Variants in ARFGEF3 observed in about 807,000 individuals in gnomAD.
ARFGEF3 encodes ARFGEF family member 3.
Under a neutral mutation model 221.7 loss-of-function variants are expected in ARFGEF3, and 96 were observed. That is an observed-to-expected ratio of 0.43 (90% CI 0.37 to 0.51). ARFGEF3 has a LOEUF of 0.51. Among genes scored for constraint, ARFGEF3 ranks in the 20% least tolerant of loss-of-function variants. The pLI is 0.00. For missense variants in ARFGEF3, 2,410 were observed against 2,789.9 expected (o/e 0.86, Z 3.07); for synonymous variants, 1,145 against 1,126.8 (o/e 1.02, Z -0.32).
At position 138,174,316 on chromosome 6, in the gene ARFGEF3, G is replaced by C. The variant is rs190116735; in HGVS notation, c.137+3603G>C. Among the ~76,000 whole-genome samples the C allele has an allele frequency of 3.5e-3, 537 of 151,864 alleles. 1 individual carries two copies. The highest frequency in any genetic ancestry group is 5.4e-3 in the Non-Finnish European group (364 of 67,918). On this transcript the variant is annotated intron_variant, in intron 2 of 33. Transcript: ENST00000251691. The stretch of plus-strand genomic sequence containing the variant: ...GTTATCATTAGGGAAATGATATAAA[G>C]AGGAGACATACAGTAATGGGCTTTT...
chr6:138,193,666 G>A (rs1219431543), intron 2 of ARFGEF3, among the ~76,000 whole-genome samples: 1 of 152,112 alleles, frequency 6.6e-6, no homozygotes, highest in Admixed American at 6.6e-5. Context: ...GTTTCATAAG[G>A]CATTTTGACA....
At chr6:138,264,280 A>G (rs1778845660) in intron 12 of ARFGEF3, among the ~76,000 whole-genome samples, 1 of 152,264 alleles carries the variant, frequency 6.6e-6, no homozygotes, top group Admixed American at 6.5e-5. Context: ...CAGATAAAGA[A>G]TACAGGGAAG....
intron 2 of ARFGEF3, among the ~76,000 whole-genome samples, chr6:138,179,588 A>C (rs962581981): frequency 2.0e-5 from 3 of 152,180 alleles, no homozygotes; most frequent in South Asian, 4.2e-4. Flanking sequence ...ATAATGACAT[A>C]TTCCTCCTCG....
At chr6:138,333,853 GT>G (rs753126925) in intron 32 of ARFGEF3, 116 bp from the exon 33 acceptor site, 59 of 1,122,250 alleles carry the variant, frequency 5.3e-5, no homozygotes, top group Non-Finnish European at 6.5e-5. Flanking sequence ...TTGAGTAGAG[GT>G]AGTTTAGTTT....
intron 2 of ARFGEF3, among the ~76,000 whole-genome samples, chr6:138,203,981 G>A (rs1478502765): frequency 6.6e-6 from 1 of 152,032 alleles, no homozygotes; most frequent in Admixed American, 6.6e-5. Flanking sequence ...TGCCATGCTT[G>A]CCTCTGCTAT....
At chr6:138,298,938 A>G (rs549471717) in intron 22 of ARFGEF3, among the ~76,000 whole-genome samples, 153 bp downstream of exon 22, 1 of 152,110 alleles carries the variant, frequency 6.6e-6, no homozygotes, top group Non-Finnish European at 1.5e-5. Context: ...GGTGGCTCAC[A>G]CCTGTAATCC....
At chr6:138,177,355 G>A (rs1041926521) in intron 2 of ARFGEF3, among the ~76,000 whole-genome samples, 3 of 152,112 alleles carry the variant, frequency 2.0e-5, no homozygotes, top group African/African-American at 7.2e-5. Context: ...CTTGACTCAA[G>A]TGATTCACCT....
rs376000992 is a variant in ARFGEF3, at chr6:138,271,287, T to C, written c.2129-7164T>C. ...TGGGAGGACATAGTGGGCAACGTAGTAAGACCTCGTCTCTACAAAAAAAGA... is the reference window on the plus strand; with the variant it reads ...TGGGAGGACATAGTGGGCAACGTAGCAAGACCTCGTCTCTACAAAAAAAGA... On this transcript the variant is annotated intron_variant, in intron 12 of 33. Transcript: ENST00000251691. Among the ~76,000 whole-genome samples, 30 of 152,328 alleles carry C rather than the reference T, an allele frequency of 2.0e-4. No homozygotes were observed. The South Asian group carries it at 5.8e-3, about 29-fold the overall frequency.
chr6:138,333,842 T>TTTGAGTA, intron 32 of ARFGEF3, 128 bp from the exon 33 acceptor site: 1 of 1,028,924 alleles, frequency 9.7e-7, no homozygotes, highest in Non-Finnish European at 1.4e-6. Context: ...ATGGAAGACA[T>TTTGAGTA]TTGAGTAGAG....
chr6:138,294,465 G>A (rs951043717), intron 20 of ARFGEF3, among the ~76,000 whole-genome samples: 4 of 152,172 alleles, frequency 2.6e-5, no homozygotes, highest in South Asian at 2.1e-4. Context: ...GCTTTTCTGC[G>A]TATCACAAAC....
At chr6:138,271,117 C>A (rs1043190344) in intron 12 of ARFGEF3, among the ~76,000 whole-genome samples, 3 of 152,132 alleles carry the variant, frequency 2.0e-5, no homozygotes, top group Non-Finnish European at 4.4e-5. Context: ...GAGAAGTATT[C>A]TAGAAGCAGG....
Position 138,328,131 on chromosome 6 carries a change from C to T in ARFGEF3, c.5112C>T (p.His1704=), listed in dbSNP as rs1396686133. 6.3e-7 allele frequency: 1 copy of T among 1,594,400 alleles called. No homozygotes were observed. The highest frequency in any genetic ancestry group is 1.8e-5 in the Admixed American group (1 of 57,098). ...CTCCTGATGAAAAACCAAATGGACA[C>T]ACCAAGAAAAGGTAAGTACCTAAAT... ...ELPPDEKPNG[H]TKKSVSFREI... Residue 1704 remains histidine, a synonymous_variant, in exon 32 of 34, where the codon CAC becomes CAT. Coordinates refer to ENST00000251691, the MANE Select transcript of ARFGEF3 (RefSeq NM_020340.5).
rs1270727617 is a variant in ARFGEF3 at position 138,324,006 on chromosome 6, C to T, written c.4870-17C>T. The T allele has an allele frequency of 6.2e-7, 1 of 1,611,168 alleles. No individual in the cohort carries two copies. The highest frequency in any genetic ancestry group is 1.3e-5 in the African/African-American group (1 of 74,940). ...GAACCAGGATGCATTCAGTGAGCAT[C>T]TGCTGTTTCTCCCCAGGACCTGCTG... On this transcript the variant is annotated splice_polypyrimidine_tract_variant and intron_variant, in intron 30 of 33. Coordinates refer to ENST00000251691, the MANE Select transcript of ARFGEF3 (RefSeq NM_020340.5).
In ARFGEF3 at chr6:138,263,011, G is replaced by A; in HGVS notation, c.1528G>A (p.Asp510Asn). Reference protein sequence around the residue: ...SLDISISVTTDTGQTTLEGEL... With the variant: ...SLDISISVTTNTGQTTLEGEL... ...TGACATCAGCATCAGTGTCACCACA[G>A]ACACAGGCCAGACCACTCTCGAGGG... Residue 510 changes from aspartate (D) to asparagine (N), a missense_variant, in exon 12 of 34, where the codon GAC becomes AAC. Transcript: ENST00000251691. The A allele has an allele frequency of 6.2e-7, 1 of 1,603,420 alleles. No individual in the cohort carries two copies. Among genetic ancestry groups the A allele is most frequent in the Non-Finnish European group, 8.5e-7 (1 of 1,175,064 alleles).
At chr6:138,242,752 A>G (rs770722685) in intron 6 of ARFGEF3, among the ~76,000 whole-genome samples, 200 bp from the exon 7 acceptor site, 4 of 152,188 alleles carry the variant, frequency 2.6e-5, no homozygotes, top group Non-Finnish European at 5.9e-5. Flanking sequence ...GCTCAATTCC[A>G]GAGATCATAA....
At chr6:138,308,953 G>T in intron 24 of ARFGEF3, 92 bp downstream of exon 24, 2 of 1,461,922 alleles carry the variant, frequency 1.4e-6, no homozygotes, top group South Asian at 2.4e-5. Flanking sequence ...TGACTGTCTG[G>T]AACAAGCACG....
intron 7 of ARFGEF3, among the ~76,000 whole-genome samples, chr6:138,244,112 G>A (rs1389000493): frequency 6.6e-6 from 1 of 152,136 alleles, no homozygotes; most frequent in Non-Finnish European, 1.5e-5. Flanking sequence ...CTCATTTGGC[G>A]TTTGTCTAAA....
At chr6:138,324,833 C>T (rs547226627) in intron 31 of ARFGEF3, among the ~76,000 whole-genome samples, 8 of 152,334 alleles carry the variant, frequency 5.3e-5, no homozygotes, top group African/African-American at 1.7e-4. Flanking sequence ...AGTAGTATCA[C>T]GAGCTACAGA....
chr6:138,165,437 C>T (rs1025310393), intron 1 of ARFGEF3, among the ~76,000 whole-genome samples: 1 of 151,220 alleles, frequency 6.6e-6, no homozygotes, highest in Admixed American at 6.6e-5. Context: ...CACTTAGACG[C>T]TCATGGGAGA....
Sources: allele counts gnomAD v4.1 joint callset (sites outside exome capture counted in the v4.1 genomes callset), GRCh38; gene constraint gnomAD v4.1.1; transcripts MANE v1.5; gene names NCBI Gene and HGNC (gene_info 2026-07-23, HGNC 2026-07-21).